Variants in GRIN2B observed in about 807,000 individuals in gnomAD.
GRIN2B encodes the protein glutamate receptor ionotropic, NMDA 2B.
GRIN2B carries 5 observed loss-of-function variants against 114.5 expected under a neutral mutation model. The ratio of observed to expected loss-of-function variants is 0.04; its 90% confidence interval spans 0.02 to 0.09. The LOEUF is 0.09. Ranked by LOEUF, GRIN2B falls within the 10% of genes least tolerant of loss-of-function variation. The pLI, the probability that GRIN2B is intolerant of heterozygous loss-of-function variation, is 1.00. For synonymous variants in GRIN2B, 787 were observed against 745.1 expected, an observed-to-expected ratio of 1.06 and a Z score of -0.92; for missense variants, 1,108 against 1,943.5, an observed-to-expected ratio of 0.57 and a Z score of 8.08.
At chr12:13,761,851 C>T (rs982226461) in intron 3 of GRIN2B, among the ~76,000 whole-genome samples, 5 of 152,088 alleles carry the variant, frequency 3.3e-5, no homozygotes, top group Non-Finnish European at 7.4e-5. Context: ...AAGGTGTGTA[C>T]ATATTAAACT....
intron 3 of GRIN2B, among the ~76,000 whole-genome samples, chr12:13,796,339 C>T (rs1864418775): frequency 6.6e-6 from 1 of 152,184 alleles, no homozygotes; most frequent in Non-Finnish European, 1.5e-5. Context: ...TCTGAGGCTC[C>T]AACTGGGTCA....
At chr12:13,768,022 C>A (rs764846184) in intron 3 of GRIN2B, among the ~76,000 whole-genome samples, 2 of 152,202 alleles carry the variant, frequency 1.3e-5, no homozygotes, top group Non-Finnish European at 2.9e-5. Flanking sequence ...AGTTTCACCA[C>A]AATAAAACTC....
At chr12:13,587,014 GAACAA>G (rs1948934560) in intron 10 of GRIN2B, among the ~76,000 whole-genome samples, 1 of 152,174 alleles carries the variant, frequency 6.6e-6, no homozygotes, top group African/African-American at 2.4e-5. Flanking sequence ...ATCCATTAGT[GAACAA>G]AACAGACAAA....
At chr12:13,738,808 T>A (rs1310444385) in intron 4 of GRIN2B, among the ~76,000 whole-genome samples, 1 of 152,134 alleles carries the variant, frequency 6.6e-6, no homozygotes, top group Non-Finnish European at 1.5e-5. Flanking sequence ...CCTGGATGCT[T>A]TTAATACACG....
At chr12:13,862,372 G>A (rs1482178208) in intron 3 of GRIN2B, among the ~76,000 whole-genome samples, 2 of 152,112 alleles carry the variant, frequency 1.3e-5, no homozygotes, top group African/African-American at 4.8e-5. Context: ...CACTTAATAA[G>A]TGGGTTTTAT....
rs1948529114 is a variant in GRIN2B, at chr12:13,560,568, GAGTC to G, written c.*2211_*2214del. 1 of 152,214 alleles carries G rather than the reference GAGTC, an allele frequency of 6.6e-6. No homozygotes were observed. The highest frequency in any genetic ancestry group is 1.5e-5 in the Non-Finnish European group (1 of 68,050). 9.4% of individuals were successfully genotyped at this position (152,214 alleles called of 1,614,324 possible). ...GGGATGAGTCCCTGACCCCTGGACAGAGTCAGGGCGAAGCAGTGTTTACGTGGCC... is the reference window on the plus strand; with the variant it reads ...GGGATGAGTCCCTGACCCCTGGACAGAGGGCGAAGCAGTGTTTACGTGGCC... On this transcript the variant is annotated 3_prime_UTR_variant, in exon 14 of 14. Transcript: ENST00000609686.
At chr12:13,795,883 G>A (rs1003494589) in intron 3 of GRIN2B, among the ~76,000 whole-genome samples, 11 of 152,066 alleles carry the variant, frequency 7.2e-5, no homozygotes, top group African/African-American at 2.4e-4. Context: ...ATTGAACAAT[G>A]AGAACACGTG....
chr12:13,800,490 C>T (rs1864489340), intron 3 of GRIN2B, among the ~76,000 whole-genome samples: 1 of 152,112 alleles, frequency 6.6e-6, no homozygotes, highest in Non-Finnish European at 1.5e-5. Flanking sequence ...AATGTCTCTC[C>T]TGATTATTTT....
intron 3 of GRIN2B, among the ~76,000 whole-genome samples, chr12:13,849,795 G>A (rs1281331790): frequency 2.0e-5 from 3 of 152,128 alleles, no homozygotes; most frequent in Non-Finnish European, 2.9e-5. Flanking sequence ...AGCACACCTC[G>A]TGTGCTCTGT....
intron 3 of GRIN2B, among the ~76,000 whole-genome samples, chr12:13,855,819 C>T (rs917481287): frequency 2.6e-5 from 4 of 152,148 alleles, no homozygotes; most frequent in Non-Finnish European, 5.9e-5. Context: ...AGACATGGAC[C>T]TATCTTTTGA....
intron 2 of GRIN2B, among the ~76,000 whole-genome samples, chr12:13,946,067 C>T (rs1867357818): frequency 6.6e-6 from 1 of 151,986 alleles, no homozygotes; most frequent in African/African-American, 2.4e-5. Context: ...ATTGATGGGT[C>T]AAAAGAGGAA....
chr12:13,712,002 G>A (rs1950418981), intron 4 of GRIN2B, among the ~76,000 whole-genome samples: 1 of 152,048 alleles, frequency 6.6e-6, no homozygotes, highest in African/African-American at 2.4e-5. Context: ...TGATAGACTG[G>A]ATTAAGAAAA....
At chr12:13,706,313 C>G (rs1167514067) in intron 4 of GRIN2B, among the ~76,000 whole-genome samples, 2 of 152,116 alleles carry the variant, frequency 1.3e-5, no homozygotes, top group Admixed American at 6.6e-5. Context: ...TAAGAAATGC[C>G]ATTCTTCAAT....
intron 3 of GRIN2B, among the ~76,000 whole-genome samples, chr12:13,844,905 G>C (rs1865443813): frequency 6.6e-6 from 1 of 152,146 alleles, no homozygotes; most frequent in Non-Finnish European, 1.5e-5. Flanking sequence ...CACATGTACT[G>C]TAGTGTTCCT....
At chr12:13,815,644 T>TA (rs1042711085) in intron 3 of GRIN2B, among the ~76,000 whole-genome samples, 10 of 152,016 alleles carry the variant, frequency 6.6e-5, no homozygotes, top group Non-Finnish European at 1.2e-4. Flanking sequence ...CAGAGAAGTT[T>TA]AAAAAAAATT....
chr12:13,885,334 A>G (rs927893084), intron 2 of GRIN2B, among the ~76,000 whole-genome samples: 2 of 152,188 alleles, frequency 1.3e-5, no homozygotes, highest in African/African-American at 4.8e-5. Flanking sequence ...GAAAAATCTG[A>G]CTTAAGTGTC....
At chr12:13,932,986 T>TGTGCGC (rs61241187) in intron 2 of GRIN2B, among the ~76,000 whole-genome samples, 31 of 148,296 alleles carry the variant, frequency 2.1e-4, no homozygotes, top group Non-Finnish European at 3.3e-4. Flanking sequence ...TGTGTGTGTG[T>TGTGCGC]GCGTGTGCGT....
At chr12:13,649,895 T>A (rs1949798465) in intron 5 of GRIN2B, among the ~76,000 whole-genome samples, 1 of 152,150 alleles carries the variant, frequency 6.6e-6, no homozygotes, top group South Asian at 2.1e-4. Flanking sequence ...CATTTCTATG[T>A]GAGCATAAAC....
At chr12:13,920,512 T>A (rs955602943) in intron 2 of GRIN2B, among the ~76,000 whole-genome samples, 1 of 152,188 alleles carries the variant, frequency 6.6e-6, no homozygotes, top group African/African-American at 2.4e-5. Flanking sequence ...TTCTCACATC[T>A]CTAAGCTCTC....
Sources: gnomAD v4.1 joint callset for allele counts (sites outside exome capture counted in the v4.1 genomes callset) on GRCh38, gnomAD v4.1.1 for gene constraint, MANE v1.5 for transcripts, NCBI Gene and HGNC (gene_info 2026-07-23, HGNC 2026-07-21) for gene names.